Variants in CNTN4 observed in about 807,000 individuals in gnomAD.
The protein encoded by CNTN4 is contactin-4.
In CNTN4, 77 loss-of-function variants were observed where a neutral mutation model predicts 122.5. The ratio of observed to expected loss-of-function variants is 0.63; its 90% CI spans 0.52 to 0.76. CNTN4 has a LOEUF of 0.76. CNTN4 is among the 30% of genes least tolerant of loss of function. The pLI, the probability that CNTN4 is intolerant of heterozygous loss-of-function variation, is 0.00. For synonymous variants in CNTN4, 512 were observed against 447.0 expected (o/e 1.15, Z -1.83); for missense variants, 1,256 against 1,259.1 (o/e 1.00, Z 0.04).
intron 13 of CNTN4, among the ~76,000 whole-genome samples, chr3:2,927,873 C>G (rs991667761): frequency 6.6e-6 from 1 of 152,186 alleles, no homozygotes; most frequent in African/African-American, 2.4e-5. Flanking sequence ...CAGGCTAGTC[C>G]CAAACTATCA....
chr3:2,522,949 A>G (rs1002915363), intron 3 of CNTN4, among the ~76,000 whole-genome samples: 13 of 152,116 alleles, frequency 8.5e-5, no homozygotes, highest in African/African-American at 2.9e-4. Flanking sequence ...AAAAGTTTGC[A>G]TCTCATTTTG....
chr3:2,433,286 A>G (rs1262675770), intron 3 of CNTN4, among the ~76,000 whole-genome samples: 1 of 152,074 alleles, frequency 6.6e-6, no homozygotes, highest in Non-Finnish European at 1.5e-5. Context: ...CCCTTTCTCC[A>G]CACCTTTGCC....
intron 14 of CNTN4, among the ~76,000 whole-genome samples, chr3:2,992,626 A>G (rs1695153424): frequency 6.6e-6 from 1 of 152,170 alleles, no homozygotes; most frequent in Non-Finnish European, 1.5e-5. Context: ...GAGAAGAGCA[A>G]TTTAGAGTAT....
intron 2 of CNTN4, among the ~76,000 whole-genome samples, chr3:2,127,445 C>G (rs1034184564): frequency 3.3e-5 from 5 of 152,094 alleles, no homozygotes; most frequent in Non-Finnish European, 7.4e-5. Context: ...ATGGAAAATT[C>G]AGGCTCATTG....
intron 6 of CNTN4, among the ~76,000 whole-genome samples, chr3:2,746,804 T>A (rs1197142670): frequency 6.6e-6 from 1 of 152,252 alleles, no homozygotes; most frequent in Non-Finnish European, 1.5e-5. Context: ...TGTTAGTGAA[T>A]GTCTCTTGAG....
chr3:2,516,886 A>G lies in CNTN4; in HGVS notation c.-88-54530A>G, dbSNP rs562988681. On this transcript the variant is annotated intron_variant, in intron 3 of 24. Transcript: ENST00000418658. Reference sequence around the variant, plus strand: ...TTAATGCTTGCCAGAAGGAAACCCTATATCAGTGGATAGAAATTTGAGTGC... The same window carrying G: ...TTAATGCTTGCCAGAAGGAAACCCTGTATCAGTGGATAGAAATTTGAGTGC... 7.6e-4 allele frequency among the ~76,000 whole-genome samples: 115 copies of G among 152,222 alleles called. 1 individual carries two copies. The highest frequency in any genetic ancestry group is 2.4e-3 in the African/African-American group (100 of 41,538).
chr3:2,629,057 A>C (rs1255774874), intron 4 of CNTN4, among the ~76,000 whole-genome samples: 1 of 152,176 alleles, frequency 6.6e-6, no homozygotes, highest in Non-Finnish European at 1.5e-5. Context: ...GCGGTATCTG[A>C]AAGGAACTTA....
chr3:2,469,832 A>G (rs1236945445), intron 3 of CNTN4, among the ~76,000 whole-genome samples: 2 of 152,194 alleles, frequency 1.3e-5, no homozygotes, highest in African/African-American at 4.8e-5. Flanking sequence ...GGTCTTAGTG[A>G]AAAACGTAAA....
chr3:2,152,135 G>C (rs953701093), intron 2 of CNTN4, among the ~76,000 whole-genome samples: 4 of 152,124 alleles, frequency 2.6e-5, no homozygotes, highest in Non-Finnish European at 2.9e-5. Flanking sequence ...AAGTATTGAA[G>C]GAGACGGGGC....
chr3:2,178,528 T>G (rs984598484), intron 2 of CNTN4, among the ~76,000 whole-genome samples: 2 of 152,090 alleles, frequency 1.3e-5, no homozygotes, highest in East Asian at 1.9e-4. Context: ...CAGAGACTTA[T>G]GTTAGGCTTG....
intron 6 of CNTN4, among the ~76,000 whole-genome samples, chr3:2,797,979 T>C (rs1399250800): frequency 6.6e-6 from 1 of 150,392 alleles, no homozygotes; most frequent in Non-Finnish European, 1.5e-5. Context: ...GTTTCATGGA[T>C]ATATCCTGTA....
At chr3:2,598,614 A>C (rs973430540) in intron 4 of CNTN4, among the ~76,000 whole-genome samples, 1 of 152,178 alleles carries the variant, frequency 6.6e-6, no homozygotes, top group Non-Finnish European at 1.5e-5. Flanking sequence ...TTTTATGTAG[A>C]CCACTTTTAC....
At chr3:2,678,461 A>G (rs2084989757) in intron 4 of CNTN4, among the ~76,000 whole-genome samples, 1 of 152,144 alleles carries the variant, frequency 6.6e-6, no homozygotes. Context: ...TATGTCACTT[A>G]TCTTCCCCTT....
chr3:2,958,163 T>C (rs2094818993), intron 13 of CNTN4, among the ~76,000 whole-genome samples: 1 of 152,180 alleles, frequency 6.6e-6, no homozygotes, highest in South Asian at 2.1e-4. Flanking sequence ...AAAATCTCCA[T>C]GCTTCCCAAA....
At chr3:2,554,206 G>A (rs2078627466) in intron 3 of CNTN4, among the ~76,000 whole-genome samples, 1 of 152,082 alleles carries the variant, frequency 6.6e-6, no homozygotes, top group Admixed American at 6.6e-5. Flanking sequence ...CATGTTTAGT[G>A]TTTTAATAAG....
rs73807730 is a variant in CNTN4 at position 2,335,676 on chromosome 3, T to C, written c.-144-3502T>C. On this transcript the variant is annotated intron_variant, in intron 2 of 24. Transcript: ENST00000418658. ...TCTGTTCATGCTGGCTAACCTAAGA[T>C]GGGAAGTTTTAACTATGTCTACTTT... 4.4e-3 allele frequency among the ~76,000 whole-genome samples: 670 copies of C among 151,724 alleles called. 1 individual carries two copies. Among genetic ancestry groups the C allele is most frequent in the African/African-American group, 0.015 (640 of 41,346 alleles).
intron 3 of CNTN4, among the ~76,000 whole-genome samples, chr3:2,340,980 A>G (rs2044189036): frequency 6.6e-6 from 1 of 151,970 alleles, no homozygotes; most frequent in Admixed American, 6.6e-5. Flanking sequence ...CTCACAGGTC[A>G]GTGCAAGCTG....
intron 2 of CNTN4, among the ~76,000 whole-genome samples, chr3:2,202,815 T>G (rs2038161232): frequency 6.6e-6 from 1 of 151,964 alleles, no homozygotes; most frequent in East Asian, 1.9e-4. Context: ...GTGTTTTTTG[T>G]AACAATTACA....
At chr3:2,518,304 C>T (rs1172387595) in intron 3 of CNTN4, among the ~76,000 whole-genome samples, 1 of 152,096 alleles carries the variant, frequency 6.6e-6, no homozygotes, top group African/African-American at 2.4e-5. Context: ...AGGGCTGTGT[C>T]TAAATGATAC....
Sources: allele counts gnomAD v4.1 joint callset (sites outside exome capture counted in the v4.1 genomes callset), GRCh38; gene constraint gnomAD v4.1.1; transcripts MANE v1.5; gene names NCBI Gene and HGNC (gene_info 2026-07-23, HGNC 2026-07-21).